Variants in CFHR4 observed in about 807,000 individuals in gnomAD.
CFHR4 encodes the protein complement factor H related 4.
CFHR4 carries 64 observed loss-of-function variants against 69.3 expected under a neutral mutation model. The ratio of observed to expected loss-of-function variants is 0.92; its 90% CI spans 0.76 to 1.14. The LOEUF (loss-of-function observed/expected upper bound fraction) is 1.14, where lower values mean the gene tolerates loss of function less well. Among genes scored for constraint, CFHR4 ranks in the 50% most tolerant of loss-of-function variants. The pLI is 0.00. For missense variants in CFHR4, 636 were observed against 684.9 expected, an observed-to-expected ratio of 0.93 and a Z score of 0.80; for synonymous variants, 244 against 237.0, an observed-to-expected ratio of 1.03 and a Z score of -0.27.
intron 1 of CFHR4, among the ~76,000 whole-genome samples, chr1:196,891,509 A>G (rs974521278): frequency 6.6e-6 from 1 of 151,376 alleles, no homozygotes; most frequent in Admixed American, 6.6e-5. Context: ...CGCCTCCCAG[A>G]AAGTAAAGAT....
intron 5 of CFHR4, among the ~76,000 whole-genome samples, chr1:196,909,548 G>C (rs1658121766): frequency 6.6e-6 from 1 of 151,512 alleles, no homozygotes; most frequent in South Asian, 2.1e-4. Context: ...TATGTACTAT[G>C]TTAAGAAATT....
chr1:196,906,012 C>T lies in CFHR4; in HGVS notation c.439+722C>T, dbSNP rs572470586. On this transcript the variant is annotated intron_variant, in intron 3 of 9. Coordinates refer to ENST00000608469, the MANE Select transcript of CFHR4 (RefSeq NM_001201550.3). ...ATCTTTTTTGTCTTTCCTCTTTAGGCATTCACCAAGATTTGTAAAGATAAA... is the reference window on the plus strand; with the variant it reads ...ATCTTTTTTGTCTTTCCTCTTTAGGTATTCACCAAGATTTGTAAAGATAAA... 3.9e-4 allele frequency among the ~76,000 whole-genome samples: 59 copies of T among 151,530 alleles called. 2 individuals are homozygous for T. The highest frequency in any genetic ancestry group is 1.4e-3 in the African/African-American group (56 of 41,204).
chr1:196,903,029 T>G (rs1657706947), intron 2 of CFHR4, among the ~76,000 whole-genome samples: 1 of 151,462 alleles, frequency 6.6e-6, no homozygotes, highest in Non-Finnish European at 1.5e-5. Context: ...TTTAAATCAT[T>G]TTATGGTCCT....
At chr1:196,894,062 A>T (rs1418357571) in intron 1 of CFHR4, among the ~76,000 whole-genome samples, 1 of 151,290 alleles carries the variant, frequency 6.6e-6, no homozygotes, top group African/African-American at 2.4e-5. Context: ...ATATTACAAC[A>T]CTCTCAGTTA....
intron 4 of CFHR4, 93 bp from the exon 5 acceptor site, chr1:196,907,223 A>G: frequency 1.6e-6 from 2 of 1,256,854 alleles, no homozygotes; most frequent in Non-Finnish European, 1.1e-6. Flanking sequence ...AAGAAATCAA[A>G]TAAGATACAT....
chr1:196,910,613 A>C, intron 6 of CFHR4, 135 bp downstream of exon 6: 1 of 660,944 alleles, frequency 1.5e-6, no homozygotes, highest in Non-Finnish European at 2.5e-6. Flanking sequence ...AAAACACCAA[A>C]CTAGATCTTT....
At chr1:196,896,579 A>G (rs538714776) in intron 1 of CFHR4, among the ~76,000 whole-genome samples, 5 of 151,746 alleles carry the variant, frequency 3.3e-5, no homozygotes, top group African/African-American at 1.2e-4. Flanking sequence ...CCCCGCTGCT[A>G]TGTGCAGGTT....
At chr1:196,904,808 GC>G (rs894263435) in intron 2 of CFHR4, among the ~76,000 whole-genome samples, 8 of 151,580 alleles carry the variant, frequency 5.3e-5, no homozygotes, top group African/African-American at 1.9e-4. Context: ...TTGCAAAGTA[GC>G]CAGAAACTCT....
intron 1 of CFHR4, among the ~76,000 whole-genome samples, chr1:196,889,746 A>G (rs1656918486): frequency 6.6e-6 from 1 of 150,532 alleles, no homozygotes; most frequent in Non-Finnish European, 1.5e-5. Flanking sequence ...CAAATTCCCA[A>G]TACCTGAGAA....
At chr1:196,912,353 T>C (rs1658320808) in intron 6 of CFHR4, among the ~76,000 whole-genome samples, 1 of 151,398 alleles carries the variant, frequency 6.6e-6, no homozygotes, top group African/African-American at 2.4e-5. Context: ...GCCTGGGAAA[T>C]GGCATTTGAC....
chr1:196,907,685 A>G (rs572642677), intron 5 of CFHR4, among the ~76,000 whole-genome samples, 187 bp downstream of exon 5: 1 of 151,672 alleles, frequency 6.6e-6, no homozygotes, highest in African/African-American at 2.4e-5. Context: ...GTAAACAATG[A>G]CAAAGTTTCC....
chr1:196,911,960 A>G lies in CFHR4; in HGVS notation c.998-780A>G, dbSNP rs1349507424. Among the ~76,000 whole-genome samples, 3 of 151,340 alleles carry G rather than the reference A, an allele frequency of 2.0e-5. 1 individual carries two copies. The highest frequency in any genetic ancestry group is 7.3e-5 in the African/African-American group (3 of 41,030). Reference sequence around the variant, plus strand: ...ATTATAAATATGCATCATCTTTAACATGATTTTTCTTTCAGATAGTAAAAT... The same window carrying G: ...ATTATAAATATGCATCATCTTTAACGTGATTTTTCTTTCAGATAGTAAAAT... On this transcript the variant is annotated intron_variant, in intron 6 of 9. Coordinates refer to ENST00000608469, the MANE Select transcript of CFHR4 (RefSeq NM_001201550.3).
At position 196,914,728 on chromosome 1, in the gene CFHR4, C is replaced by T. The variant is rs148714898; in HGVS notation, c.1357+57C>T. 1.7e-3 allele frequency: 2,523 copies of T among 1,481,402 alleles called. 94 individuals carry two copies. The African/African-American group carries it at 0.032, about 19-fold the overall frequency. The allele number at this position is 1,481,402 out of a possible 1,614,324, so 91.8% of individuals were successfully genotyped here. On this transcript the variant is annotated intron_variant, in intron 8 of 9. Coordinates refer to ENST00000608469, the MANE Select transcript of CFHR4 (RefSeq NM_001201550.3). ...AATTAAATAAAATAATAGACACCTA[C>T]ATATGTATATGTACACATATGTGTG... is the stretch of plus-strand genomic sequence containing the variant.
At position 196,907,384 on chromosome 1, in the gene CFHR4, G is replaced by C; in HGVS notation, c.685G>C (p.Val229Leu). Residue 229 changes from valine (V) to leucine (L), a missense_variant, in exon 5 of 10, where the codon GTG (valine) becomes CTG (leucine). Val to Leu is a conservative substitution (Grantham distance 32, BLOSUM62 1). Coordinates refer to ENST00000608469, the MANE Select transcript of CFHR4 (RefSeq NM_001201550.3). ...AGATACCACGTCCTTCCCGCAAAAA[G>C]TGTATCTGCCATGGTCAAGAGTCGA... ...NGDTTSFPQK[V>L]YLPWSRVEYQ... 1 of 1,611,994 alleles carries C rather than the reference G, an allele frequency of 6.2e-7. No individual in the cohort carries two copies. Among genetic ancestry groups the C allele is most frequent in the Non-Finnish European group, 8.5e-7 (1 of 1,179,134 alleles).
At chr1:196,905,427 C>T (rs1410313450) in intron 3 of CFHR4, 137 bp downstream of exon 3, 2 of 1,256,152 alleles carry the variant, frequency 1.6e-6, no homozygotes, top group Non-Finnish European at 2.2e-6. Flanking sequence ...ATCTAACATT[C>T]TGTGCCAAAC....
chr1:196,890,398 G>A lies in CFHR4; in HGVS notation c.58+2190G>A, dbSNP rs186676488. ...GTTCTGAATAATAATTCTTTTGGAA[G>A]CCACGCTATTTGAAAGATAAACTTG... On this transcript the variant is annotated intron_variant, in intron 1 of 9. Transcript: ENST00000608469. 7.7e-4 allele frequency among the ~76,000 whole-genome samples: 117 copies of A among 151,550 alleles called. 2 individuals are homozygous for A. The highest frequency in any genetic ancestry group is 1.4e-3 in the Non-Finnish European group (97 of 67,940).
chr1:196,913,775 C>A (rs766393998), intron 7 of CFHR4, among the ~76,000 whole-genome samples: 3 of 151,220 alleles, frequency 2.0e-5, no homozygotes. Context: ...TAATATGGAA[C>A]CTTGATACAT....
rs897727725 is a variant in CFHR4, at chr1:196,896,517, G to A, written c.59-5901G>A. Among the ~76,000 whole-genome samples the A allele has an allele frequency of 5.9e-5, 9 of 151,588 alleles. No homozygotes were observed. In the East Asian group the frequency reaches 1.2e-3, roughly 20 times the overall value. On this transcript the variant is annotated intron_variant, in intron 1 of 9. Coordinates refer to ENST00000608469, the MANE Select transcript of CFHR4 (RefSeq NM_001201550.3). ...CTGTGATCAAAGAACCCAGCAATCAGAGCACAAATCTCAAATATTTGAAGA... is the reference window on the plus strand; with the variant it reads ...CTGTGATCAAAGAACCCAGCAATCAAAGCACAAATCTCAAATATTTGAAGA...
chr1:196,913,083 T>C (rs1037071451), intron 7 of CFHR4, among the ~76,000 whole-genome samples, 161 bp downstream of exon 7: 4 of 151,598 alleles, frequency 2.6e-5, no homozygotes, highest in African/African-American at 9.7e-5. Context: ...GTCTTTTGCA[T>C]GTTTAGAGTA....
Sources: gnomAD v4.1 joint callset for allele counts (sites outside exome capture counted in the v4.1 genomes callset) on GRCh38, gnomAD v4.1.1 for gene constraint, MANE v1.5 for transcripts, NCBI Gene and HGNC (gene_info 2026-07-23, HGNC 2026-07-21) for gene names.